CNBP: variants seen among roughly 807,000 people sequenced by gnomAD.
CNBP encodes the protein cellular nucleic acid-binding protein.
A neutral mutation model predicts 21.2 loss-of-function variants in CNBP; 6 were observed. That is an observed-to-expected ratio of 0.28 (90% CI 0.16 to 0.56). CNBP has a LOEUF of 0.56. Ranked by LOEUF, CNBP falls within the 20% of genes least tolerant of loss-of-function variation. The pLI is 0.93. For missense variants in CNBP, 112 were observed against 233.1 expected (o/e 0.48, Z 3.38); for synonymous variants, 61 against 74.9 (o/e 0.81, Z 0.96).
chr3:129,183,210 A>T (rs1938435900), intron 1 of CNBP, among the ~76,000 whole-genome samples: 1 of 152,068 alleles, frequency 6.6e-6, no homozygotes, highest in Non-Finnish European at 1.5e-5. Context: ...GGACTCTCAA[A>T]GTGCTGGGAT....
rs758325595 is a variant in CNBP at position 129,171,329 on chromosome 3, T to C, written c.218-52A>G. ...CCAAGACTATAAAACCTTTACAAAG[T>C]GTTACGTTTTAAATTATACAATACA... is the stretch of plus-strand genomic sequence containing the variant. On this transcript the variant is annotated intron_variant, in intron 3 of 4. Transcript: ENST00000422453. The C allele has an allele frequency of 4.4e-6, 7 of 1,608,338 alleles. No individual in the cohort carries two copies. In the Admixed American group the frequency reaches 1.2e-4, roughly 27 times the overall value.
At chr3:129,180,956 T>C (rs567698625) in intron 1 of CNBP, among the ~76,000 whole-genome samples, 1 of 152,136 alleles carries the variant, frequency 6.6e-6, no homozygotes, top group African/African-American at 2.4e-5. Context: ...AGTAGAATTG[T>C]TGGCAAGGCA....
intron 1 of CNBP, among the ~76,000 whole-genome samples, chr3:129,177,496 T>C (rs576240928): frequency 1.3e-5 from 2 of 152,348 alleles, no homozygotes; most frequent in African/African-American, 2.4e-5. Context: ...TTAATAGATA[T>C]TCAATTTAAA....
chr3:129,179,014 A>G (rs1248078135), intron 1 of CNBP, among the ~76,000 whole-genome samples: 2 of 152,048 alleles, frequency 1.3e-5, no homozygotes, highest in Admixed American at 6.6e-5. Context: ...GTGCTGGCTC[A>G]CACCTGTAAT....
chr3:129,172,243 G>A (rs1937585686), intron 1 of CNBP, among the ~76,000 whole-genome samples: 2 of 151,976 alleles, frequency 1.3e-5, no homozygotes, highest in East Asian at 3.9e-4. Flanking sequence ...TGATAAAAGT[G>A]ATGGAATTTA....
At position 129,169,277 on chromosome 3, in the gene CNBP, A is replaced by G. The variant is rs968216650; in HGVS notation, c.*1176T>C. ...CTCCAGCCTGGGCGACAAGAGTGAG[A>G]CTCCGTCTCCAAAACAAAACAAAAC... On this transcript the variant is annotated 3_prime_UTR_variant, in exon 5 of 5. Coordinates refer to ENST00000422453, the MANE Select transcript of CNBP (RefSeq NM_003418.5). Among the ~76,000 whole-genome samples the G allele has an allele frequency of 6.6e-6, 1 of 152,122 alleles. No individual in the cohort carries two copies. Among genetic ancestry groups the G allele is most frequent in the Non-Finnish European group, 1.5e-5 (1 of 68,024 alleles).
intron 1 of CNBP, among the ~76,000 whole-genome samples, chr3:129,178,929 T>G (rs999752695): frequency 1.1e-4 from 17 of 152,054 alleles, no homozygotes; most frequent in African/African-American, 3.9e-4. Context: ...GTATTTTTAG[T>G]AGAGACGGGG....
Position 129,167,895 on chromosome 3 carries a change from G to GA in CNBP, c.*2557dup, listed in dbSNP as rs1937478436. Among the ~76,000 whole-genome samples the GA allele has an allele frequency of 6.6e-6, 1 of 152,292 alleles. No individual in the cohort carries two copies. Among genetic ancestry groups the GA allele is most frequent in the East Asian group, 1.9e-4 (1 of 5,186 alleles). ...AATTTGCTCAGTAAAAATAGCACAT[G>GA]AAAAAATATTATAAGCTTATATTCA... On this transcript the variant is annotated 3_prime_UTR_variant, in exon 5 of 5. Transcript: ENST00000422453.
chr3:129,171,099 G>A lies in CNBP; in HGVS notation c.396C>T (p.Cys132=), dbSNP rs1937559602. 1 of 1,613,766 alleles carries A rather than the reference G, an allele frequency of 6.2e-7. No homozygotes were observed. Among genetic ancestry groups the A allele is most frequent in the Non-Finnish European group, 8.5e-7 (1 of 1,180,020 alleles). Residue 132 remains cysteine, a synonymous_variant, in exon 4 of 5, where the codon TGC becomes TGT. Coordinates refer to ENST00000422453, the MANE Select transcript of CNBP (RefSeq NM_003418.5). ...CTTACCTATAGCACTTCACTTTGGT[G>A]CAGTCTTTTTGAATGTGTCCGAATT... The part of the protein sequence containing the change: ...CGEFGHIQKD[C]TKVKCYRCGE...
At position 129,169,345 on chromosome 3, in the gene CNBP, A is replaced by C. The variant is rs1377721946; in HGVS notation, c.*1108T>G. 2 of 191,446 alleles carry C rather than the reference A, an allele frequency of 1.0e-5. No individual in the cohort carries two copies. Among genetic ancestry groups the C allele is most frequent in the Admixed American group, 1.2e-4 (2 of 16,290 alleles). The allele number at this position is 191,446 out of a possible 1,614,324, so 11.9% of individuals were successfully genotyped here. A position where few individuals can be genotyped will look rare whatever the true frequency, so the allele number is the denominator to read the frequency against. ...CTGTTCAGACTGAACACAGAACTCA[A>C]GGGCATTATTATAACAGATTACAAA... is the stretch of plus-strand genomic sequence containing the variant. On this transcript the variant is annotated 3_prime_UTR_variant, in exon 5 of 5. Transcript: ENST00000422453.
At chr3:129,171,865 A>C (rs553558936) in intron 1 of CNBP, 94 bp from the exon 2 acceptor site, 1 of 1,331,368 alleles carries the variant, frequency 7.5e-7, no homozygotes, top group African/African-American at 1.5e-5. Context: ...TATTCTGGGG[A>C]AAAAAGCTAG....
rs1255144206 is a variant in CNBP at position 129,171,227 on chromosome 3, G to T, written c.268C>A (p.Pro90Thr). Residue 90 changes from proline to threonine, a missense_variant, in exon 4 of 5, where the codon CCC (proline) becomes ACC (threonine). Transcript: ENST00000422453. ...CAGCATTGCTCTCGCTCTCTCTTGG[G>T]CTCCTTGCAGTCCTTGGCAATGTGG... Reference protein sequence around the residue: ...GGHIAKDCKEPKREREQCCYN... With the variant: ...GGHIAKDCKETKREREQCCYN... 1.9e-6 allele frequency: 3 copies of T among 1,614,190 alleles called. No homozygotes were observed. The Admixed American group carries it at 5.0e-5, about 27-fold the overall frequency.
At chr3:129,172,683 G>GACACACACAC (rs1312209322) in intron 1 of CNBP, among the ~76,000 whole-genome samples, 1 of 95,926 alleles carries the variant, frequency 1.0e-5, no homozygotes, top group African/African-American at 3.8e-5. Flanking sequence ...CAGACAGACA[G>GACACACACAC]ACAGACAGAC....
At chr3:129,176,635 ATTAAT>A (rs1055656872) in intron 1 of CNBP, among the ~76,000 whole-genome samples, 10 of 152,334 alleles carry the variant, frequency 6.6e-5, no homozygotes, top group African/African-American at 1.7e-4. Flanking sequence ...TTACTGCACC[ATTAAT>A]TTAAAGTAAT....
intron 1 of CNBP, among the ~76,000 whole-genome samples, chr3:129,180,759 A>T (rs1404489030): frequency 3.4e-5 from 5 of 148,176 alleles, no homozygotes; most frequent in African/African-American, 5.2e-5. Context: ...AAAAGGAACC[A>T]ATCTTTTTTT....
At position 129,169,548 on chromosome 3, in the gene CNBP, GAAAC is replaced by G. The variant is rs1186977683; in HGVS notation, c.*901_*904del. 2.0e-5 allele frequency: 4 copies of G among 204,946 alleles called. No individual in the cohort carries two copies. Among genetic ancestry groups the G allele is most frequent in the Admixed American group, 6.0e-5 (1 of 16,768 alleles). 12.7% of individuals were successfully genotyped at this position (204,946 alleles called of 1,614,324 possible). A position where few individuals can be genotyped will look rare whatever the true frequency, so the allele number is the denominator to read the frequency against. ...GCACTATATACATTAATGAAAATTTGAAACAAACAAAAAGAACTTTAGTCAAACT... is the reference window on the plus strand; with the variant it reads ...GCACTATATACATTAATGAAAATTTGAAACAAAAAGAACTTTAGTCAAACT... On this transcript the variant is annotated 3_prime_UTR_variant, in exon 5 of 5. Transcript: ENST00000422453.
intron 1 of CNBP, among the ~76,000 whole-genome samples, chr3:129,172,691 G>GACACACAC (rs1167575619): frequency 6.7e-5 from 5 of 74,610 alleles, no homozygotes; most frequent in African/African-American, 1.4e-4. Flanking sequence ...CAGACAGACA[G>GACACACAC]ACAGACACAC....
At chr3:129,182,388 G>A (rs868774099) in intron 1 of CNBP, among the ~76,000 whole-genome samples, 9 of 152,074 alleles carry the variant, frequency 5.9e-5, no homozygotes, top group Non-Finnish European at 1.0e-4. Flanking sequence ...ACTGAGCAAT[G>A]TTCTCTTTTT....
At chr3:129,182,499 A>G (rs1383568183) in intron 1 of CNBP, among the ~76,000 whole-genome samples, 1 of 152,184 alleles carries the variant, frequency 6.6e-6, no homozygotes, top group Non-Finnish European at 1.5e-5. Flanking sequence ...CTTACCCATA[A>G]TAAAATCAAC....
Sources: gnomAD v4.1 joint callset for allele counts (sites outside exome capture counted in the v4.1 genomes callset) on GRCh38, gnomAD v4.1.1 for gene constraint, MANE v1.5 for transcripts, NCBI Gene and HGNC (gene_info 2026-07-23, HGNC 2026-07-21) for gene names.